MED13L: variants seen among roughly 807,000 people sequenced by gnomAD.
MED13L encodes the protein mediator of RNA polymerase II transcription subunit 13-like.
In MED13L, 7 loss-of-function variants were observed where a neutral mutation model predicts 220.9. The ratio of observed to expected loss-of-function variants is 0.03; its 90% CI spans 0.02 to 0.06. The LOEUF is 0.06. MED13L is among the 10% of genes least tolerant of loss of function. The pLI is 1.00. For synonymous variants in MED13L, 1,011 were observed against 1,015.2 expected, an observed-to-expected ratio of 1.00 and a Z score of 0.08; for missense variants, 1,965 against 2,760.5, an observed-to-expected ratio of 0.71 and a Z score of 6.46.
intron 2 of MED13L, among the ~76,000 whole-genome samples, chr12:116,123,454 T>C (rs1875268360): frequency 6.6e-6 from 1 of 152,216 alleles, no homozygotes; most frequent in African/African-American, 2.4e-5. Flanking sequence ...AGGACAATGA[T>C]TTTAATAAAG....
intron 4 of MED13L, among the ~76,000 whole-genome samples, chr12:116,086,067 T>C (rs149125038): frequency 1.4e-3 from 219 of 152,308 alleles, no homozygotes; most frequent in African/African-American, 5.1e-3. Flanking sequence ...CCCTACACAA[T>C]TGACACCACA....
chr12:116,116,005 G>A (rs187908937), intron 2 of MED13L, among the ~76,000 whole-genome samples: 120 of 152,292 alleles, frequency 7.9e-4, no homozygotes, highest in South Asian at 5.4e-3. Flanking sequence ...CCAATATCCC[G>A]TTGTAATATG....
intron 1 of MED13L, among the ~76,000 whole-genome samples, chr12:116,241,396 T>A (rs1356836949): frequency 6.6e-6 from 1 of 150,516 alleles, no homozygotes; most frequent in African/African-American, 2.4e-5. Context: ...TCTAATAACA[T>A]TAACCTTATT....
chr12:116,265,217 C>A (rs1383692701), intron 1 of MED13L, among the ~76,000 whole-genome samples: 1 of 152,194 alleles, frequency 6.6e-6, no homozygotes, highest in Non-Finnish European at 1.5e-5. Context: ...CATTTCTTTA[C>A]CTTTAAGTCA....
intron 2 of MED13L, among the ~76,000 whole-genome samples, chr12:116,167,410 G>C (rs948131510): frequency 1.3e-4 from 20 of 152,122 alleles, no homozygotes; most frequent in African/African-American, 3.6e-4. Context: ...ACAATTGACA[G>C]GCCAGTAGAT....
At chr12:116,276,729 GA>G (rs1004686503) in intron 1 of MED13L, 335 of 554,292 alleles carry the variant, frequency 6.0e-4, no homozygotes, top group Non-Finnish European at 8.3e-4. Flanking sequence ...AAAAAGGGGG[GA>G]AAGGGGAGGA....
intron 2 of MED13L, among the ~76,000 whole-genome samples, chr12:116,154,430 T>C (rs1878277098): frequency 6.6e-6 from 1 of 152,140 alleles, no homozygotes; most frequent in South Asian, 2.1e-4. Flanking sequence ...CAATAAATAA[T>C]TAGGTTATTT....
At chr12:115,993,127 T>C (rs918390749) in intron 16 of MED13L, among the ~76,000 whole-genome samples, 3 of 152,196 alleles carry the variant, frequency 2.0e-5, no homozygotes, top group Admixed American at 1.3e-4. Flanking sequence ...GGGATTTGTG[T>C]AAATTACAAG....
chr12:116,227,314 T>C (rs1176934786), intron 2 of MED13L, among the ~76,000 whole-genome samples: 4 of 152,188 alleles, frequency 2.6e-5, no homozygotes, highest in Admixed American at 1.3e-4. Flanking sequence ...AGATATGTAA[T>C]TCCAGCTTAT....
At chr12:116,090,895 C>G (rs539592251) in intron 4 of MED13L, among the ~76,000 whole-genome samples, 1 of 152,210 alleles carries the variant, frequency 6.6e-6, no homozygotes, top group East Asian at 1.9e-4. Flanking sequence ...GAGGCCAAGG[C>G]AGGTGGATCA....
At chr12:116,100,225 T>C (rs1397804387) in intron 3 of MED13L, among the ~76,000 whole-genome samples, 1 of 152,072 alleles carries the variant, frequency 6.6e-6, no homozygotes, top group South Asian at 2.1e-4. Context: ...TACAAGGGAA[T>C]ATGCTGACTC....
intron 9 of MED13L, 81 bp downstream of exon 9, chr12:116,012,716 C>A: frequency 9.9e-7 from 1 of 1,012,600 alleles, no homozygotes; most frequent in South Asian, 1.3e-5. Flanking sequence ...TCAGGAAGAA[C>A]TGATCTGTGA....
At chr12:116,002,443 T>A (rs867345450) in intron 14 of MED13L, among the ~76,000 whole-genome samples, 1 of 152,200 alleles carries the variant, frequency 6.6e-6, no homozygotes, top group South Asian at 2.1e-4. Flanking sequence ...CTACCCTTTT[T>A]TTTCCTCTTG....
intron 4 of MED13L, among the ~76,000 whole-genome samples, chr12:116,058,396 T>C (rs1358044452): frequency 6.6e-6 from 1 of 152,148 alleles, no homozygotes; most frequent in Non-Finnish European, 1.5e-5. Flanking sequence ...TCCCCATATA[T>C]TCTGAAGGTG....
In MED13L at chr12:116,096,354, C is replaced by CAAAAA. The variant is rs537207957; in HGVS notation, c.479+310_479+314dup. ...TGGGTGACAGAGTGAGACACAGCCT[C>CAAAAA]AAAAAAAAAAAAAAAAAAAAAAAAA... On this transcript the variant is annotated intron_variant, in intron 4 of 30. Coordinates refer to ENST00000281928, the MANE Select transcript of MED13L (RefSeq NM_015335.5). Among the ~76,000 whole-genome samples, 55 of 23,558 alleles carry CAAAAA rather than the reference C, an allele frequency of 2.3e-3. 5 individuals are homozygous for CAAAAA. Among genetic ancestry groups the CAAAAA allele is most frequent in the African/African-American group, 4.2e-3 (32 of 7,694 alleles). 15.5% of individuals were successfully genotyped at this position (23,558 alleles called of 152,430 possible).
intron 2 of MED13L, among the ~76,000 whole-genome samples, chr12:116,130,168 T>C (rs975289939): frequency 1.3e-5 from 2 of 152,182 alleles, no homozygotes; most frequent in African/African-American, 4.8e-5. Flanking sequence ...ATACTCTCCT[T>C]TGAAAGTGAT....
chr12:115,970,852 A>T, intron 26 of MED13L, 82 bp from the exon 27 acceptor site: 1 of 1,286,438 alleles, frequency 7.8e-7, no homozygotes, highest in Non-Finnish European at 1.1e-6. Context: ...CTGGAGTGGT[A>T]TGAGTCTGAT....
intron 2 of MED13L, among the ~76,000 whole-genome samples, chr12:116,226,000 C>A (rs1000261553): frequency 1.4e-4 from 21 of 151,658 alleles, no homozygotes; most frequent in South Asian, 6.3e-4. Context: ...TTCCTTTTAC[C>A]ATCATATACA....
intron 3 of MED13L, 95 bp downstream of exon 3, chr12:116,111,333 G>C: frequency 1.1e-6 from 1 of 914,286 alleles, no homozygotes; most frequent in Non-Finnish European, 1.8e-6. Context: ...ATAAATCATT[G>C]CAAGTGAAAA....
Sources: allele counts gnomAD v4.1 joint callset (sites outside exome capture counted in the v4.1 genomes callset), GRCh38; gene constraint gnomAD v4.1.1; transcripts MANE v1.5; gene names NCBI Gene and HGNC (gene_info 2026-07-23, HGNC 2026-07-21).